CD28: variants seen among roughly 807,000 people sequenced by gnomAD.
CD28 encodes CD28 molecule.
Under a neutral mutation model 21.4 loss-of-function variants are expected in CD28, and 8 were observed. The observed-to-expected ratio is 0.37, with a 90% confidence interval of 0.22 to 0.68. The LOEUF (loss-of-function observed/expected upper bound fraction) is 0.68. CD28 is among the 30% of genes least tolerant of loss of function. The probability of loss-of-function intolerance (pLI) is 0.55; values close to 1 mark genes in which losing one functional copy is unlikely to be tolerated. For synonymous variants in CD28, 106 were observed against 104.0 expected, an observed-to-expected ratio of 1.02 and a Z score of -0.12; for missense variants, 239 against 272.2, an observed-to-expected ratio of 0.88 and a Z score of 0.86.
chr2:203,729,656 C>T lies in CD28; in HGVS notation c.418C>T (p.Leu140Phe), dbSNP rs777637236. Residue 140 changes from leucine (L) to phenylalanine (F), a missense_variant, in exon 3 of 4, where the codon CTT becomes TTT. Transcript: ENST00000324106. ...TCTATTTTGTTTTTCAGGGAAACAC[C>T]TTTGTCCAAGTCCCCTATTTCCCGG... Reference protein sequence around the residue: ...GTIIHVKGKHLCPSPLFPGPS... With the variant: ...GTIIHVKGKHFCPSPLFPGPS... The T allele has an allele frequency of 8.1e-6, 13 of 1,613,708 alleles. No homozygotes were observed. In the South Asian group the frequency reaches 8.8e-5, roughly 11 times the overall value.
At chr2:203,724,543 A>G (rs1286105776) in intron 1 of CD28, among the ~76,000 whole-genome samples, 1 of 152,160 alleles carries the variant, frequency 6.6e-6, no homozygotes, top group Non-Finnish European at 1.5e-5. Flanking sequence ...AAAGCCAGCA[A>G]TGATTTTTTA....
chr2:203,726,684 C>T lies in CD28; in HGVS notation c.104C>T (p.Ala35Val), dbSNP rs1202305808. The T allele has an allele frequency of 3.7e-6, 6 of 1,613,990 alleles. No homozygotes were observed. Among genetic ancestry groups the T allele is most frequent in the East Asian group, 2.2e-5 (1 of 44,868 alleles). The change falls in exon 2 of 4, where the codon GCG becomes GTG. Residue 35 changes from alanine to valine, a missense_variant. Coordinates refer to ENST00000324106, the MANE Select transcript of CD28 (RefSeq NM_006139.4). The stretch of plus-strand genomic sequence containing the variant: ...CCCATGCTTGTAGCGTACGACAATG[C>T]GGTCAACCTTAGCTGCAAGTATTCC... Reference protein sequence around the residue: ...QSPMLVAYDNAVNLSCKYSYN... With the variant: ...QSPMLVAYDNVVNLSCKYSYN...
At chr2:203,722,057 G>T (rs770574833) in intron 1 of CD28, among the ~76,000 whole-genome samples, 2 of 152,148 alleles carry the variant, frequency 1.3e-5, no homozygotes, top group Non-Finnish European at 2.9e-5. Flanking sequence ...CCACAAAGAA[G>T]TCCTATTCTC....
At chr2:203,721,641 A>G (rs1023414111) in intron 1 of CD28, among the ~76,000 whole-genome samples, 7 of 152,036 alleles carry the variant, frequency 4.6e-5, no homozygotes, top group Admixed American at 1.3e-4. Context: ...CCATGTATGC[A>G]TACTCCTTCA....
At chr2:203,710,174 C>T (rs1251106888) in intron 1 of CD28, among the ~76,000 whole-genome samples, 1 of 152,178 alleles carries the variant, frequency 6.6e-6, no homozygotes, top group Non-Finnish European at 1.5e-5. Context: ...ACATGACTTC[C>T]AATATGCTGT....
chr2:203,732,008 A>G (rs959661118), intron 3 of CD28, among the ~76,000 whole-genome samples: 2 of 152,172 alleles, frequency 1.3e-5, no homozygotes, highest in Non-Finnish European at 2.9e-5. Flanking sequence ...AGAATAACAT[A>G]GTATTTTTAC....
intron 1 of CD28, among the ~76,000 whole-genome samples, chr2:203,713,525 A>G (rs1022739298): frequency 6.6e-6 from 1 of 152,074 alleles, no homozygotes; most frequent in African/African-American, 2.4e-5. Context: ...GATAGTGGTT[A>G]ATAGCATTAA....
intron 1 of CD28, among the ~76,000 whole-genome samples, chr2:203,720,706 A>C (rs1036484505): frequency 4.6e-5 from 7 of 152,378 alleles, no homozygotes; most frequent in South Asian, 4.1e-4. Flanking sequence ...GCCAAATGTC[A>C]TCTGATATTC....
intron 3 of CD28, among the ~76,000 whole-genome samples, chr2:203,730,724 G>A (rs1194723423): frequency 6.6e-6 from 1 of 152,164 alleles, no homozygotes; most frequent in African/African-American, 2.4e-5. Context: ...CTTAATGAAT[G>A]CTTATTGGAT....
intron 1 of CD28, among the ~76,000 whole-genome samples, chr2:203,714,710 C>T (rs896077037): frequency 3.3e-5 from 5 of 152,054 alleles, no homozygotes; most frequent in African/African-American, 7.2e-5. Flanking sequence ...TAACTTTTGT[C>T]GGGTCTAACA....
At chr2:203,714,493 T>C (rs1179587373) in intron 1 of CD28, among the ~76,000 whole-genome samples, 1 of 147,738 alleles carries the variant, frequency 6.8e-6, no homozygotes, top group Non-Finnish European at 1.5e-5. Context: ...GCTATTCTTT[T>C]GCCCTCTCTT....
Position 203,736,883 on chromosome 2 carries a change from G to A in CD28, c.*1971G>A, listed in dbSNP as rs1008793417. 1 of 152,164 alleles carries A rather than the reference G, an allele frequency of 6.6e-6. No homozygotes were observed. The highest frequency in any genetic ancestry group is 1.5e-5 in the Non-Finnish European group (1 of 68,040). 9.4% of individuals were successfully genotyped at this position (152,164 alleles called of 1,614,324 possible). A position where few individuals can be genotyped will look rare whatever the true frequency, so the allele number is the denominator to read the frequency against. ...TGACTCTGCCTATCCCTGACATTTA[G>A]TAGCATGCCCGACATACAATGTTAG... On this transcript the variant is annotated 3_prime_UTR_variant, in exon 4 of 4. Transcript: ENST00000324106.
Position 203,726,767 on chromosome 2 carries a change from G to C in CD28, c.187G>C (p.Val63Leu). 6.2e-7 allele frequency: 1 copy of C among 1,614,136 alleles called. No individual in the cohort carries two copies. Among genetic ancestry groups the C allele is most frequent in the Non-Finnish European group, 8.5e-7 (1 of 1,180,016 alleles). ...CCTTCACAAAGGACTGGATAGTGCT[G>C]TGGAAGTCTGTGTTGTATATGGGAA... is the stretch of plus-strand genomic sequence containing the variant. ...ASLHKGLDSA[V>L]EVCVVYGNYS... is the part of the protein sequence containing the mutation. The change falls in exon 2 of 4, where the codon GTG becomes CTG. Residue 63 changes from valine (V) to leucine (L), a missense_variant. Physicochemically the swap from Val to Leu is conservative, Grantham distance 32 (BLOSUM62 1). This residue lies in a region of CD28 where 104 missense variants were observed against 108.5 expected (regional missense o/e 0.96). Coordinates refer to ENST00000324106, the MANE Select transcript of CD28 (RefSeq NM_006139.4).
At chr2:203,713,630 A>G in intron 1 of CD28, among the ~76,000 whole-genome samples, 1 of 152,196 alleles carries the variant, frequency 6.6e-6, no homozygotes, top group Non-Finnish European at 1.5e-5. Context: ...GAAGGAAGAT[A>G]AGACTTCACA....
Position 203,737,209 on chromosome 2 carries a change from T to A in CD28, c.*2297T>A, listed in dbSNP as rs1308115083. ...CCAGATCGAAAATACTGTACTTTGG[T>A]TGATTTTTAAGTGGGCTTCCATTCC... is the stretch of plus-strand genomic sequence containing the variant. On this transcript the variant is annotated 3_prime_UTR_variant, in exon 4 of 4. Transcript: ENST00000324106. The A allele has an allele frequency of 1.3e-5, 2 of 152,126 alleles. No homozygotes were observed. Among genetic ancestry groups the A allele is most frequent in the Non-Finnish European group, 2.9e-5 (2 of 68,036 alleles). The allele number at this position is 152,126 out of a possible 1,614,324, so 9.4% of individuals were successfully genotyped here. A position where few individuals can be genotyped will look rare whatever the true frequency, so the allele number is the denominator to read the frequency against.
intron 3 of CD28, among the ~76,000 whole-genome samples, chr2:203,731,999 G>GAAT (rs1693906918): frequency 6.6e-6 from 1 of 152,198 alleles, no homozygotes; most frequent in South Asian, 2.1e-4. Context: ...ATATTTCGTA[G>GAAT]AATAACATAG....
chr2:203,729,816 A>G lies in CD28; in HGVS notation c.534+44A>G, dbSNP rs577819375. 33 of 1,598,184 alleles carry G rather than the reference A, an allele frequency of 2.1e-5. No homozygotes were observed. In the East Asian group the frequency reaches 5.6e-4, roughly 27 times the overall value. ...CTTTTATGTAACTTTTCCACTGCACATGAAATCTGAACACATTCAAGAATT... is the reference window on the plus strand; with the variant it reads ...CTTTTATGTAACTTTTCCACTGCACGTGAAATCTGAACACATTCAAGAATT... On this transcript the variant is annotated intron_variant, in intron 3 of 3. Coordinates refer to ENST00000324106, the MANE Select transcript of CD28 (RefSeq NM_006139.4).
In CD28 at chr2:203,729,742, G is replaced by C; in HGVS notation, c.504G>C (p.Leu168Phe). The change falls in exon 3 of 4, where the codon TTG becomes TTC. Residue 168 changes from leucine to phenylalanine, a missense_variant. Transcript: ENST00000324106. ...VVGGVLACYS[L>F]LVTVAFIIFW... ...GTGGAGTCCTGGCTTGCTATAGCTT[G>C]CTAGTAACAGTGGCCTTTATTATTT... 3.7e-6 allele frequency: 6 copies of C among 1,614,050 alleles called. No individual in the cohort carries two copies. The highest frequency in any genetic ancestry group is 4.2e-6 in the Non-Finnish European group (5 of 1,179,956).
chr2:203,726,024 C>T (rs780860528), intron 1 of CD28, among the ~76,000 whole-genome samples: 2 of 152,082 alleles, frequency 1.3e-5, no homozygotes, highest in East Asian at 1.9e-4. Context: ...GGCTAGCCAA[C>T]ATGGTGAAAC....
Sources: allele counts gnomAD v4.1 joint callset (sites outside exome capture counted in the v4.1 genomes callset), GRCh38; gene constraint gnomAD v4.1.1; regional missense constraint gnomAD v4.1.1; transcripts MANE v1.5; gene names NCBI Gene and HGNC (gene_info 2026-07-23, HGNC 2026-07-21).